Variants in FIP1L1 observed in about 807,000 individuals in gnomAD.
The protein encoded by FIP1L1 is factor interacting with PAPOLA and CPSF1.
Under a neutral mutation model 84.6 loss-of-function variants are expected in FIP1L1, and 21 were observed. The observed-to-expected ratio is 0.25, with a 90% CI of 0.18 to 0.36. FIP1L1 has a LOEUF of 0.36. Ranked by LOEUF, FIP1L1 falls within the 10% of genes least tolerant of loss-of-function variation. FIP1L1 has a pLI of 1.00. For missense variants in FIP1L1, 526 were observed against 751.1 expected, an observed-to-expected ratio of 0.70 and a Z score of 3.50; for synonymous variants, 263 against 242.3, an observed-to-expected ratio of 1.09 and a Z score of -0.80.
chr4:53,425,576 T>A (rs1401137408), intron 11 of FIP1L1, among the ~76,000 whole-genome samples: 1 of 152,106 alleles, frequency 6.6e-6, no homozygotes, highest in Non-Finnish European at 1.5e-5. Context: ...TTCACAAAGA[T>A]AAATTTATTT....
chr4:53,411,481 A>AT (rs77132887), intron 10 of FIP1L1, among the ~76,000 whole-genome samples: 17,263 of 151,864 alleles, frequency 0.11, 1,844 homozygotes, highest in South Asian at 0.28. Context: ...CCATAAAAGT[A>AT]TTTTTTTTGT....
At position 53,428,767 on chromosome 4, in the gene FIP1L1, T is replaced by A. The variant is rs138078727; in HGVS notation, c.1174+584T>A. ...TCACAAATAATTCCCAAATTTTATT[T>A]TTATTTGAATTTTTCATCGGGTTGC... is the stretch of plus-strand genomic sequence containing the variant. On this transcript the variant is annotated intron_variant, in intron 13 of 17. Transcript: ENST00000337488. Among the ~76,000 whole-genome samples the A allele has an allele frequency of 1.5e-4, 23 of 152,332 alleles. No individual in the cohort carries two copies. The East Asian group carries it at 4.4e-3, about 29-fold the overall frequency.
chr4:53,396,248 T>C (rs1385142686), intron 9 of FIP1L1, among the ~76,000 whole-genome samples: 1 of 152,070 alleles, frequency 6.6e-6, no homozygotes, highest in African/African-American at 2.4e-5. Context: ...TAACTTTAAG[T>C]AGGCCTTTTA....
At chr4:53,389,919 T>TA in intron 6 of FIP1L1, 46 bp downstream of exon 6, 1 of 1,423,316 alleles carries the variant, frequency 7.0e-7, no homozygotes, top group Non-Finnish European at 9.7e-7. Context: ...ATAAGGCACA[T>TA]ATCTTAAATA....
chr4:53,410,952 G>A (rs1756925441), intron 10 of FIP1L1, among the ~76,000 whole-genome samples: 1 of 120,876 alleles, frequency 8.3e-6, no homozygotes, highest in African/African-American at 3.1e-5. Context: ...GTCTTAGAAT[G>A]TATCCCCCAA....
intron 11 of FIP1L1, 132 bp from the exon 12 acceptor site, chr4:53,425,740 C>A: frequency 1.7e-6 from 1 of 603,710 alleles, no homozygotes; most frequent in Non-Finnish European, 2.9e-6. Context: ...GGATATTTTT[C>A]AATGTGTATT....
chr4:53,434,121 G>C (rs1768003877), intron 13 of FIP1L1, among the ~76,000 whole-genome samples: 1 of 152,010 alleles, frequency 6.6e-6, no homozygotes, highest in Admixed American at 6.6e-5. Context: ...AATTACTGCA[G>C]ATCCCATAGA....
At chr4:53,400,823 G>A (rs1274538292) in intron 10 of FIP1L1, among the ~76,000 whole-genome samples, 1 of 152,046 alleles carries the variant, frequency 6.6e-6, no homozygotes, top group African/African-American at 2.4e-5. Flanking sequence ...CAAAATGTTT[G>A]GTTTTAAAGA....
At chr4:53,409,617 C>G (rs2149676465) in intron 10 of FIP1L1, among the ~76,000 whole-genome samples, 1 of 152,372 alleles carries the variant, frequency 6.6e-6, no homozygotes, top group East Asian at 1.9e-4. Flanking sequence ...GGCAGGCAGG[C>G]TTCCTTGAGC....
Position 53,405,534 on chromosome 4 carries a change from A to G in FIP1L1, c.815+5695A>G, listed in dbSNP as rs535342964. Among the ~76,000 whole-genome samples, 820 of 138,528 alleles carry G rather than the reference A, an allele frequency of 5.9e-3. 4 individuals carry two copies. The highest frequency in any genetic ancestry group is 0.02 in the African/African-American group (747 of 36,948). The allele number at this position is 138,528 out of a possible 152,430, so 90.9% of individuals were successfully genotyped here. A position where few individuals can be genotyped will look rare whatever the true frequency, so the allele number is the denominator to read the frequency against. On this transcript the variant is annotated intron_variant, in intron 10 of 17. Transcript: ENST00000337488. ...ATGAACTTTAAAGTAGTTTTTTCCA[A>G]TTCTGTGAAGAAAGTCATTGGTAGC... is the stretch of plus-strand genomic sequence containing the variant.
At chr4:53,393,788 G>A (rs867147986) in intron 9 of FIP1L1, among the ~76,000 whole-genome samples, 5 of 75,962 alleles carry the variant, frequency 6.6e-5, no homozygotes, top group East Asian at 3.4e-4. Context: ...CCCCGCCCCC[G>A]GCTGTGAATG....
intron 14 of FIP1L1, 117 bp downstream of exon 14, chr4:53,442,824 T>A: frequency 1.7e-6 from 1 of 604,298 alleles, no homozygotes; most frequent in Non-Finnish European, 2.9e-6. Context: ...TCTTTTAATT[T>A]ATAAATCTAG....
chr4:53,417,763 ACTCTCTCT>A (rs58568620), intron 11 of FIP1L1, among the ~76,000 whole-genome samples: 6,731 of 102,894 alleles, frequency 0.065, 207 homozygotes, highest in Non-Finnish European at 0.082. Flanking sequence ...ACACACACAC[ACTCTCTCT>A]CTCTCTCTCT....
At chr4:53,418,853 A>T (rs1185794203) in intron 11 of FIP1L1, among the ~76,000 whole-genome samples, 1 of 152,220 alleles carries the variant, frequency 6.6e-6, no homozygotes, top group East Asian at 1.9e-4. Flanking sequence ...TTAAATGAAT[A>T]TTATATCTAA....
intron 2 of FIP1L1, 27 bp from the exon 3 acceptor site, chr4:53,379,198 T>G: frequency 6.2e-7 from 1 of 1,606,506 alleles, no homozygotes; most frequent in South Asian, 1.1e-5. Flanking sequence ...TTTGCTTATT[T>G]ATTTATTTGT....
intron 11 of FIP1L1, among the ~76,000 whole-genome samples, chr4:53,420,020 C>T (rs1761518717): frequency 6.6e-6 from 1 of 151,528 alleles, no homozygotes; most frequent in Non-Finnish European, 1.5e-5. Flanking sequence ...CACGGTGCAA[C>T]CCCGTCTCTA....
chr4:53,425,787 A>T, intron 11 of FIP1L1, 85 bp from the exon 12 acceptor site: 1 of 939,194 alleles, frequency 1.1e-6, no homozygotes, highest in Non-Finnish European at 1.6e-6. Context: ...TTGCAAACAC[A>T]TTTTGTTTTT....
chr4:53,393,764 G>GCTCCCCCCCCCC (rs1745637529), intron 9 of FIP1L1, among the ~76,000 whole-genome samples: 1 of 87,950 alleles, frequency 1.1e-5, no homozygotes, highest in Non-Finnish European at 2.2e-5. Flanking sequence ...TTTCCCCCCG[G>GCTCCCCCCCCCC]CCCCCCCCCC....
intron 4 of FIP1L1, among the ~76,000 whole-genome samples, chr4:53,383,429 A>G (rs549825943): frequency 1.8e-4 from 27 of 152,342 alleles, no homozygotes; most frequent in African/African-American, 6.0e-4. Context: ...TGGGAGGCCA[A>G]GGTGGGTGGA....
Sources: gnomAD v4.1 joint callset for allele counts (sites outside exome capture counted in the v4.1 genomes callset) on GRCh38, gnomAD v4.1.1 for gene constraint, MANE v1.5 for transcripts, NCBI Gene and HGNC (gene_info 2026-07-23, HGNC 2026-07-21) for gene names.